CNTN6: variants seen among roughly 807,000 people sequenced by gnomAD.
The protein encoded by CNTN6 is contactin 6, also known as contactin-6.
A neutral mutation model predicts 122.8 loss-of-function variants in CNTN6; 137 were observed. That is an observed-to-expected ratio of 1.12 (90% confidence interval 0.97 to 1.29). The LOEUF (loss-of-function observed/expected upper bound fraction) is 1.29, where lower values mean the gene tolerates loss of function less well. Ranked by LOEUF, CNTN6 falls within the 50% of genes most tolerant of loss-of-function variation. CNTN6 has a pLI of 0.00. For missense variants in CNTN6, 1,634 were observed against 1,223.4 expected, an observed-to-expected ratio of 1.34 and a Z score of -5.01; for synonymous variants, 570 against 426.0, an observed-to-expected ratio of 1.34 and a Z score of -4.16.
chr3:1,247,602 G>T (rs942267203), intron 4 of CNTN6, among the ~76,000 whole-genome samples: 1 of 152,184 alleles, frequency 6.6e-6, no homozygotes, highest in African/African-American at 2.4e-5. Flanking sequence ...CCAAGGCAAA[G>T]AGCGGTACAT....
At chr3:1,256,369 ATAT>A (rs772412840) in intron 4 of CNTN6, among the ~76,000 whole-genome samples, 6 of 152,152 alleles carry the variant, frequency 3.9e-5, no homozygotes, top group Non-Finnish European at 5.9e-5. Context: ...TAAACCAATA[ATAT>A]TTGCTATGAG....
Position 1,243,294 on chromosome 3 carries a change from C to G in CNTN6, c.358+15301C>G, listed in dbSNP as rs2094513535. On this transcript the variant is annotated intron_variant, in intron 4 of 22. Transcript: ENST00000446702. ...TAGCAAGCTCCTGGGGAAGGAGGTT[C>G]TGGGGGAACGCCTGGCTGCTGCGGT... 2.0e-5 allele frequency among the ~76,000 whole-genome samples: 3 copies of G among 152,138 alleles called. 1 individual carries two copies.
chr3:1,255,919 G>A (rs1179105235), intron 4 of CNTN6, among the ~76,000 whole-genome samples: 1 of 151,958 alleles, frequency 6.6e-6, no homozygotes, highest in Non-Finnish European at 1.5e-5. Context: ...CCAGGCTTGA[G>A]TACAGTGGAG....
At chr3:1,287,331 C>G (rs1321300580) in intron 5 of CNTN6, among the ~76,000 whole-genome samples, 1 of 152,138 alleles carries the variant, frequency 6.6e-6, no homozygotes, top group East Asian at 1.9e-4. Context: ...ACTGCCTCCT[C>G]CAATTGTGGG....
intron 12 of CNTN6, among the ~76,000 whole-genome samples, chr3:1,364,418 C>T (rs913919096): frequency 2.0e-4 from 30 of 151,722 alleles, no homozygotes; most frequent in African/African-American, 6.5e-4. Context: ...TTTTGTCTAT[C>T]CTTTGAGAGG....
intron 12 of CNTN6, among the ~76,000 whole-genome samples, chr3:1,361,009 C>T (rs1011604998): frequency 2.0e-5 from 3 of 152,074 alleles, no homozygotes; most frequent in Non-Finnish European, 4.4e-5. Context: ...CACTTCTCTC[C>T]GCTTCAATGA....
intron 5 of CNTN6, among the ~76,000 whole-genome samples, chr3:1,287,093 G>C (rs1367740007): frequency 6.6e-6 from 1 of 152,094 alleles, no homozygotes; most frequent in Non-Finnish European, 1.5e-5. Flanking sequence ...GTCTTACAAA[G>C]AAACTTAGAC....
intron 4 of CNTN6, among the ~76,000 whole-genome samples, chr3:1,277,868 TCAC>T (rs1179262208): frequency 1.3e-5 from 2 of 152,128 alleles, no homozygotes; most frequent in Non-Finnish European, 2.9e-5. Flanking sequence ...ATGCAGGAAA[TCAC>T]CACATTCCAA....
At chr3:1,224,317 C>T (rs537761016) in intron 3 of CNTN6, among the ~76,000 whole-genome samples, 2 of 152,084 alleles carry the variant, frequency 1.3e-5, no homozygotes, top group South Asian at 4.2e-4. Flanking sequence ...GAGAAGTGAC[C>T]TTTAGACAGG....
At chr3:1,332,327 T>C (rs1702404548) in intron 11 of CNTN6, among the ~76,000 whole-genome samples, 1 of 152,022 alleles carries the variant, frequency 6.6e-6, no homozygotes, top group African/African-American at 2.4e-5. Context: ...TCTGATCGAC[T>C]GGCTTTATTA....
rs534087289 is a variant in CNTN6, at chr3:1,259,665, G to A, written c.359-18748G>A. The stretch of plus-strand genomic sequence containing the variant: ...AGTTGAGTCTTTAAATTCTGGCTCT[G>A]TCCTTTACAATGTATGACTTTGCAT... On this transcript the variant is annotated intron_variant, in intron 4 of 22. Coordinates refer to ENST00000446702, the MANE Select transcript of CNTN6 (RefSeq NM_001289080.2). Among the ~76,000 whole-genome samples, 5 of 152,164 alleles carry A rather than the reference G, an allele frequency of 3.3e-5. No homozygotes were observed. The South Asian group carries it at 1.0e-3, about 32-fold the overall frequency.
At chr3:1,232,035 T>C (rs2094358727) in intron 4 of CNTN6, among the ~76,000 whole-genome samples, 1 of 152,216 alleles carries the variant, frequency 6.6e-6, no homozygotes. Context: ...TGAGAGAACA[T>C]TGCATCTGTC....
At chr3:1,280,459 A>ATTTTTTTTTTTTTTTTTTGTTTTTTTT (rs1693180005) in intron 5 of CNTN6, among the ~76,000 whole-genome samples, 1 of 66,652 alleles carries the variant, frequency 1.5e-5, no homozygotes, top group African/African-American at 6.1e-5. Context: ...TGTAATACCA[A>ATTTTTTTTTTTTTTTTTTGTTTTTTTT]TTTTTTTTTT....
At chr3:1,350,180 G>A (rs1258033264) in intron 11 of CNTN6, among the ~76,000 whole-genome samples, 1 of 151,758 alleles carries the variant, frequency 6.6e-6, no homozygotes, top group Non-Finnish European at 1.5e-5. Context: ...GTCACTGTAT[G>A]TACTACAGTG....
chr3:1,398,889 C>T (rs1049035286), intron 20 of CNTN6, among the ~76,000 whole-genome samples: 1 of 152,078 alleles, frequency 6.6e-6, no homozygotes, highest in Admixed American at 6.6e-5. Context: ...CAACTCTTCT[C>T]GTTTTATGCC....
chr3:1,127,996 G>A (rs1028371240), intron 1 of CNTN6, among the ~76,000 whole-genome samples: 3 of 151,850 alleles, frequency 2.0e-5, no homozygotes, highest in Non-Finnish European at 4.4e-5. Flanking sequence ...TTTTGTATTA[G>A]GGAATGGCTG....
intron 7 of CNTN6, among the ~76,000 whole-genome samples, chr3:1,314,647 T>C (rs1447298913): frequency 6.6e-6 from 1 of 152,114 alleles, no homozygotes; most frequent in East Asian, 1.9e-4. Flanking sequence ...GTGTATTCTC[T>C]GTCTTCAGAT....
In CNTN6 at chr3:1,251,635, G is replaced by A. The variant is rs74493862; in HGVS notation, c.358+23642G>A. On this transcript the variant is annotated intron_variant, in intron 4 of 22. Transcript: ENST00000446702. Reference sequence around the variant, plus strand: ...TTTCACTTTCCAATTAATGACCACCGACATCAGTGGTCCATTCAGTGGGCC... The same window carrying A: ...TTTCACTTTCCAATTAATGACCACCAACATCAGTGGTCCATTCAGTGGGCC... 8.8e-3 allele frequency among the ~76,000 whole-genome samples: 1,341 copies of A among 151,964 alleles called. 20 individuals carry two copies. The highest frequency in any genetic ancestry group is 0.029 in the African/African-American group (1,216 of 41,424).
chr3:1,235,390 A>T (rs1466053363), intron 4 of CNTN6, among the ~76,000 whole-genome samples: 1 of 151,878 alleles, frequency 6.6e-6, no homozygotes, highest in Non-Finnish European at 1.5e-5. Context: ...AATTGGTTCA[A>T]ATTACAGTGA....
Sources: gnomAD v4.1 joint callset for allele counts (sites outside exome capture counted in the v4.1 genomes callset) on GRCh38, gnomAD v4.1.1 for gene constraint, MANE v1.5 for transcripts, NCBI Gene and HGNC (gene_info 2026-07-23, HGNC 2026-07-21) for gene names.